The following WDR19 variants were observed in gnomAD, a reference collection of about 807,000 sequenced individuals.
WDR19 encodes WD repeat domain 19.
WDR19 carries 121 observed loss-of-function variants against 180.0 expected under a neutral mutation model. The observed-to-expected ratio is 0.67, with a 90% CI of 0.58 to 0.78. The LOEUF is 0.78. Among genes scored for constraint, WDR19 ranks in the 30% least tolerant of loss-of-function variants. WDR19 has a pLI of 0.00. For synonymous variants in WDR19, 497 were observed against 540.7 expected (o/e 0.92, Z 1.12); for missense variants, 1,450 against 1,640.7 (o/e 0.88, Z 2.01).
intron 34 of WDR19, among the ~76,000 whole-genome samples, chr4:39,277,529 C>T (rs895869836): frequency 6.6e-6 from 1 of 152,138 alleles, no homozygotes; most frequent in Non-Finnish European, 1.5e-5. Flanking sequence ...TATCAGAGAA[C>T]TTTAACATAT....
At chr4:39,245,529 C>G in intron 24 of WDR19, 77 bp downstream of exon 24, 2 of 1,460,796 alleles carry the variant, frequency 1.4e-6, no homozygotes, top group South Asian at 2.4e-5. Context: ...ATTTGCAACC[C>G]TGTAAGAAAG....
chr4:39,228,410 TA>T, intron 16 of WDR19, 53 bp downstream of exon 16: 2 of 1,601,870 alleles, frequency 1.2e-6, no homozygotes, highest in Non-Finnish European at 1.7e-6. Context: ...CCCATTGCAG[TA>T]AAATTAAAAC....
At chr4:39,278,503 TATTTA>T in intron 35 of WDR19, 31 bp from the exon 36 acceptor site, 1 of 1,522,770 alleles carries the variant, frequency 6.6e-7, no homozygotes, top group Non-Finnish European at 9.0e-7. Flanking sequence ...GAATGTTATA[TATTTA>T]ATTTACTCTG....
At chr4:39,191,865 C>T (rs1395722327) in intron 4 of WDR19, among the ~76,000 whole-genome samples, 1 of 152,168 alleles carries the variant, frequency 6.6e-6, no homozygotes, top group Non-Finnish European at 1.5e-5. Flanking sequence ...GTACATTTCC[C>T]TAGCATGATA....
chr4:39,260,479 C>G (rs1734182726), intron 28 of WDR19, among the ~76,000 whole-genome samples: 2 of 151,924 alleles, frequency 1.3e-5, no homozygotes, highest in South Asian at 4.1e-4. Context: ...GCTGAGATTA[C>G]AGGTGTGTGC....
In WDR19 at chr4:39,253,148, A is replaced by G; in HGVS notation, c.2732A>G (p.Tyr911Cys). ...TTATCTGAGCTATTTTTTTACAGAT[A>G]CAAAGAAGCTGTTGTAGCTTATGAA... is the stretch of plus-strand genomic sequence containing the variant. Reference protein sequence around the residue: ...YAKAKEADGRYKEAVVAYENA... With the variant: ...YAKAKEADGRCKEAVVAYENA... Residue 911 changes from tyrosine (Y) to cysteine (C), a missense_variant and splice_region_variant, in exon 25 of 37, where the codon TAC (tyrosine) becomes TGC (cysteine). Tyr to Cys is a radical substitution (Grantham distance 194). Coordinates refer to ENST00000399820, the MANE Select transcript of WDR19 (RefSeq NM_025132.4). The G allele has an allele frequency of 6.3e-7, 1 of 1,578,268 alleles. No homozygotes were observed. Among genetic ancestry groups the G allele is most frequent in the Non-Finnish European group, 8.6e-7 (1 of 1,167,936 alleles).
chr4:39,269,211 T>G (rs1735102767), intron 30 of WDR19, among the ~76,000 whole-genome samples: 1 of 152,196 alleles, frequency 6.6e-6, no homozygotes, highest in South Asian at 2.1e-4. Flanking sequence ...GAATTTGCAC[T>G]TCCAGGCGTG....
chr4:39,218,277 A>T (rs1271585621), intron 14 of WDR19, 172 bp downstream of exon 14: 1 of 865,156 alleles, frequency 1.2e-6, no homozygotes, highest in African/African-American at 1.7e-5. Context: ...GTGGGGATAC[A>T]TTCTGAGAAA....
chr4:39,231,872 A>G lies in WDR19; in HGVS notation c.2058A>G (p.Leu686=). The change falls in exon 18 of 37, where the codon CTA becomes CTG. Residue 686 remains leucine (L), a synonymous_variant. Transcript: ENST00000399820. The part of the protein sequence containing the change: ...AAWNELARAC[L]HHMEVEFAIR... ...GGAATGAGTTGGCCAGAGCTTGTCT[A>G]CATCACATGGAAGTGGAGTTTGCAA... 1 of 1,613,330 alleles carries G rather than the reference A, an allele frequency of 6.2e-7. No homozygotes were observed. The highest frequency in any genetic ancestry group is 8.5e-7 in the Non-Finnish European group (1 of 1,179,310).
intron 5 of WDR19, among the ~76,000 whole-genome samples, chr4:39,197,096 CCTA>C (rs1345765475): frequency 6.6e-6 from 1 of 152,084 alleles, no homozygotes; most frequent in African/African-American, 2.4e-5. Context: ...TATGAGAGGT[CCTA>C]CTATTATTCC....
chr4:39,279,700 C>CTTT (rs3068583), intron 36 of WDR19, among the ~76,000 whole-genome samples: 1 of 100,096 alleles, frequency 1.0e-5, no homozygotes, highest in African/African-American at 3.7e-5. Flanking sequence ...GTCTGCCTTA[C>CTTT]TTTTTTTTTT....
intron 30 of WDR19, among the ~76,000 whole-genome samples, chr4:39,269,244 A>G (rs551433403): frequency 6.6e-6 from 1 of 152,194 alleles, no homozygotes; most frequent in African/African-American, 2.4e-5. Flanking sequence ...GGAGGGTTTT[A>G]TGCAGGGGTG....
chr4:39,190,742 C>T (rs181695458), intron 4 of WDR19, among the ~76,000 whole-genome samples: 60 of 152,354 alleles, frequency 3.9e-4, no homozygotes, highest in African/African-American at 1.3e-3. Context: ...CAAGTAGCTG[C>T]AGAAGATACT....
At chr4:39,254,806 G>T (rs530334725) in intron 26 of WDR19, among the ~76,000 whole-genome samples, 66 of 152,134 alleles carry the variant, frequency 4.3e-4, no homozygotes, top group Non-Finnish European at 8.4e-4. Flanking sequence ...CCAGACCCTG[G>T]TAACCATGAT....
chr4:39,266,360 A>G (rs1042879024), intron 29 of WDR19, among the ~76,000 whole-genome samples: 1 of 152,194 alleles, frequency 6.6e-6, no homozygotes, highest in African/African-American at 2.4e-5. Flanking sequence ...CACTAACACT[A>G]ACAATAGCTG....
intron 20 of WDR19, chr4:39,237,787 T>A (rs897169070): frequency 7.2e-5 from 11 of 152,300 alleles, no homozygotes; most frequent in African/African-American, 2.6e-4. Flanking sequence ...TCCACCTGCA[T>A]CCTGAGGATG....
intron 5 of WDR19, among the ~76,000 whole-genome samples, chr4:39,195,955 A>G (rs995249858): frequency 2.0e-5 from 3 of 152,188 alleles, no homozygotes; most frequent in Non-Finnish European, 4.4e-5. Flanking sequence ...ATTAACTGTT[A>G]TTATTGGTGT....
At chr4:39,232,695 C>A (rs1731000933) in intron 19 of WDR19, among the ~76,000 whole-genome samples, 2 of 150,604 alleles carry the variant, frequency 1.3e-5, no homozygotes, top group African/African-American at 2.4e-5. Flanking sequence ...GAGCGAGACT[C>A]CGTCTCAAAA....
intron 14 of WDR19, among the ~76,000 whole-genome samples, chr4:39,221,699 G>C (rs1181650919): frequency 1.3e-5 from 2 of 151,996 alleles, no homozygotes; most frequent in Non-Finnish European, 2.9e-5. Flanking sequence ...CCCACCCCAT[G>C]CTTTTTCTGT....
Sources: allele counts gnomAD v4.1 joint callset (sites outside exome capture counted in the v4.1 genomes callset), GRCh38; gene constraint gnomAD v4.1.1; transcripts MANE v1.5; gene names NCBI Gene and HGNC (gene_info 2026-07-23, HGNC 2026-07-21).